LPAR1: variants seen among roughly 807,000 people sequenced by gnomAD.
The protein encoded by LPAR1 is lysophosphatidic acid receptor 1, also known as LPA receptor 1.
LPAR1 carries 5 observed loss-of-function variants against 23.8 expected under a neutral mutation model. That is an observed-to-expected ratio of 0.21 (90% CI 0.11 to 0.44). The LOEUF (loss-of-function observed/expected upper bound fraction) is 0.44. LPAR1 is among the 20% of genes least tolerant of loss of function. The pLI is 0.99. For synonymous variants in LPAR1, 160 were observed against 164.7 expected, an observed-to-expected ratio of 0.97 and a Z score of 0.22; for missense variants, 311 against 482.8, an observed-to-expected ratio of 0.64 and a Z score of 3.33.
At chr9:110,919,526 T>C (rs1392646333) in intron 5 of LPAR1, among the ~76,000 whole-genome samples, 1 of 152,196 alleles carries the variant, frequency 6.6e-6, no homozygotes, top group Non-Finnish European at 1.5e-5. Flanking sequence ...CAATTTGCGA[T>C]GTAGCATAGA....
rs191442083 is a variant in LPAR1 at position 111,002,821 on chromosome 9, C to T, written c.-181-29263G>A. On this transcript the variant is annotated intron_variant, in intron 2 of 5. Coordinates refer to ENST00000683809, the MANE Select transcript of LPAR1 (RefSeq NM_001351411.2). ...AGATGTGTCCATCAAAAGTCGAAAG[C>T]GCTGTAGGTGTAACTTCTCTTTAAA... is the stretch of plus-strand genomic sequence containing the variant. Among the ~76,000 whole-genome samples the T allele has an allele frequency of 4.6e-5, 7 of 152,186 alleles. No individual in the cohort carries two copies. In the East Asian group the frequency reaches 1.2e-3, roughly 25 times the overall value.
At chr9:110,896,508 G>A (rs952601989) in intron 5 of LPAR1, among the ~76,000 whole-genome samples, 1 of 152,028 alleles carries the variant, frequency 6.6e-6, no homozygotes, top group Non-Finnish European at 1.5e-5. Flanking sequence ...TTTGTGTTTT[G>A]CACTTAAGTA....
At chr9:110,926,792 G>A (rs1427508832) in intron 5 of LPAR1, among the ~76,000 whole-genome samples, 2 of 151,966 alleles carry the variant, frequency 1.3e-5, no homozygotes, top group African/African-American at 2.4e-5. Context: ...GGGCAATCAC[G>A]GATACTCACA....
At chr9:111,016,886 C>A (rs965630308) in intron 2 of LPAR1, among the ~76,000 whole-genome samples, 1 of 152,188 alleles carries the variant, frequency 6.6e-6, no homozygotes, top group Admixed American at 6.5e-5. Flanking sequence ...ATGCCATTAA[C>A]CTATATTGAG....
At chr9:110,970,716 T>C (rs1286797803) in intron 4 of LPAR1, among the ~76,000 whole-genome samples, 2 of 152,096 alleles carry the variant, frequency 1.3e-5, no homozygotes, top group African/African-American at 2.4e-5. Context: ...AAACCCCTAC[T>C]TAAAATACAT....
chr9:110,902,374 C>A (rs2089531168), intron 5 of LPAR1, among the ~76,000 whole-genome samples: 1 of 152,040 alleles, frequency 6.6e-6, no homozygotes, highest in Non-Finnish European at 1.5e-5. Flanking sequence ...GGGTGGATAC[C>A]CTCATGCTGT....
At chr9:110,959,138 T>A (rs2095860211) in intron 4 of LPAR1, among the ~76,000 whole-genome samples, 1 of 33,510 alleles carries the variant, frequency 3.0e-5, no homozygotes. Context: ...GTACAGTGAC[T>A]ATTAAAAAAA....
chr9:110,950,505 T>A (rs949846949), intron 4 of LPAR1, among the ~76,000 whole-genome samples: 1 of 151,594 alleles, frequency 6.6e-6, no homozygotes, highest in Non-Finnish European at 1.5e-5. Context: ...TAAAAAACCT[T>A]ATTTTTAACC....
intron 2 of LPAR1, among the ~76,000 whole-genome samples, chr9:111,029,652 G>A (rs904947967): frequency 3.3e-5 from 5 of 152,016 alleles, no homozygotes; most frequent in African/African-American, 9.7e-5. Flanking sequence ...TTGGTTTACC[G>A]TATTCATCAC....
chr9:110,989,895 G>C (rs2096863171), intron 2 of LPAR1, among the ~76,000 whole-genome samples: 1 of 151,566 alleles, frequency 6.6e-6, no homozygotes, highest in South Asian at 2.1e-4. Flanking sequence ...AAAAGTAAAA[G>C]GATAAAAAAA....
At chr9:110,917,754 T>C (rs1242906641) in intron 5 of LPAR1, among the ~76,000 whole-genome samples, 1 of 152,238 alleles carries the variant, frequency 6.6e-6, no homozygotes, top group Non-Finnish European at 1.5e-5. Context: ...TGAACGTTAT[T>C]GTGTTTTACA....
intron 5 of LPAR1, among the ~76,000 whole-genome samples, chr9:110,887,912 A>T (rs10117291): frequency 6.6e-6 from 1 of 152,050 alleles, no homozygotes; most frequent in African/African-American, 2.4e-5. Flanking sequence ...ATGTGCAAAG[A>T]TTTGCAGTAT....
rs1055093954 is a variant in LPAR1, at chr9:110,985,410, G to T, written c.-181-11852C>A. ...AATTAGATCTTTTATTTTCAAATTG[G>T]TCTAAAAGTCTATCATTTTTTCTAC... is the stretch of plus-strand genomic sequence containing the variant. On this transcript the variant is annotated intron_variant, in intron 2 of 5. Transcript: ENST00000683809. Among the ~76,000 whole-genome samples, 4 of 109,436 alleles carry T rather than the reference G, an allele frequency of 3.7e-5. No homozygotes were observed. The South Asian group carries it at 1.0e-3, about 28-fold the overall frequency. 71.8% of individuals were successfully genotyped at this position (109,436 alleles called of 152,430 possible).
intron 5 of LPAR1, among the ~76,000 whole-genome samples, chr9:110,934,115 G>T (rs1251810283): frequency 6.6e-6 from 1 of 152,184 alleles, no homozygotes; most frequent in African/African-American, 2.4e-5. Context: ...CCTCAAAGAG[G>T]CCTTTACAGG....
At chr9:110,988,999 G>A (rs756284299) in intron 2 of LPAR1, among the ~76,000 whole-genome samples, 19 of 152,058 alleles carry the variant, frequency 1.2e-4, no homozygotes, top group Non-Finnish European at 1.3e-4. Flanking sequence ...GCAGTATTGT[G>A]CATTTTTTTC....
At chr9:110,969,324 C>G (rs1316789102) in intron 4 of LPAR1, among the ~76,000 whole-genome samples, 1 of 152,162 alleles carries the variant, frequency 6.6e-6, no homozygotes, top group African/African-American at 2.4e-5. Flanking sequence ...TTAATGGTAT[C>G]TTCCCATAAG....
At chr9:110,897,925 T>A (rs772237886) in intron 5 of LPAR1, among the ~76,000 whole-genome samples, 1 of 152,070 alleles carries the variant, frequency 6.6e-6, no homozygotes, top group Non-Finnish European at 1.5e-5. Context: ...AAGGGATACA[T>A]AAAATCCTCA....
intron 2 of LPAR1, among the ~76,000 whole-genome samples, chr9:111,033,509 C>A (rs1271323305): frequency 1.3e-5 from 2 of 152,168 alleles, no homozygotes; most frequent in Non-Finnish European, 2.9e-5. Context: ...ATTGAATTCA[C>A]AAGGTAATTG....
chr9:110,927,127 G>A (rs1383400988), intron 5 of LPAR1, among the ~76,000 whole-genome samples: 2 of 152,228 alleles, frequency 1.3e-5, no homozygotes, highest in African/African-American at 2.4e-5. Context: ...TAAAGGTTAA[G>A]TGGATTGCCC....
Sources: allele counts gnomAD v4.1 joint callset (sites outside exome capture counted in the v4.1 genomes callset), GRCh38; gene constraint gnomAD v4.1.1; transcripts MANE v1.5; gene names NCBI Gene and HGNC (gene_info 2026-07-23, HGNC 2026-07-21).